Variants in NGLY1 observed in about 807,000 individuals in gnomAD.
NGLY1 encodes peptide-N(4)-(N-acetyl-beta-glucosaminyl)asparagine amidase.
A neutral mutation model predicts 84.6 loss-of-function variants in NGLY1; 68 were observed. That is an observed-to-expected ratio of 0.80 (90% CI 0.66 to 0.98). The LOEUF is 0.98. Ranked by LOEUF, NGLY1 falls within the 50% of genes least tolerant of loss-of-function variation. NGLY1 has a pLI of 0.00. For missense variants in NGLY1, 779 were observed against 770.2 expected, an observed-to-expected ratio of 1.01 and a Z score of -0.14; for synonymous variants, 280 against 275.2, an observed-to-expected ratio of 1.02 and a Z score of -0.17.
chr3:25,783,459 C>G (rs1283663439), upstream of NGLY1: 3 of 1,374,012 alleles, frequency 2.2e-6, no homozygotes, highest in Non-Finnish European at 2.8e-6. This position sits in a 1 kb window ranked among gnomAD's most constrained non-coding sequence, Gnocchi z 4.5. Flanking sequence ...GGCGCCTCAG[C>G]GCGCAGCAGC....
At chr3:25,785,008 A>G (rs74529825), upstream of NGLY1, among the ~76,000 whole-genome samples, 325 of 152,286 alleles carry the variant, frequency 2.1e-3, 2 homozygotes, top group African/African-American at 7.5e-3. Context: ...TTTGTGAGCC[A>G]TAAGGTCTGT....
intron 3 of NGLY1, among the ~76,000 whole-genome samples, chr3:25,754,196 T>A (rs748913962): frequency 1.3e-5 from 2 of 152,196 alleles, no homozygotes; most frequent in Middle Eastern, 3.2e-3. Flanking sequence ...GCTGGGGATA[T>A]AACGGTTAAA....
intron 2 of NGLY1, among the ~76,000 whole-genome samples, chr3:25,768,329 G>T (rs1707717127): frequency 6.6e-6 from 1 of 151,354 alleles, no homozygotes; most frequent in Non-Finnish European, 1.5e-5. Flanking sequence ...GGAAGACTGA[G>T]GCAGGAGAAT....
chr3:25,764,009 T>A, intron 3 of NGLY1, 57 bp downstream of exon 3: 1 of 1,589,430 alleles, frequency 6.3e-7, no homozygotes, highest in Middle Eastern at 1.7e-4. Context: ...TTCCAAAGCT[T>A]TTGCTGTTTC....
intron 2 of NGLY1, among the ~76,000 whole-genome samples, chr3:25,776,728 C>T (rs1448160985): frequency 3.3e-5 from 5 of 152,174 alleles, no homozygotes; most frequent in African/African-American, 4.8e-5. Flanking sequence ...GGTAAGTCCC[C>T]GATTCCTTCC....
rs11924657 is a variant in NGLY1, at chr3:25,749,840, C to A, written c.658+1258G>T. ...AGCCATCATGGAAAGAGCCACCCAG[C>A]TGGCCATCAGAGTCACCAACCCCAA... On this transcript the variant is annotated intron_variant, in intron 4 of 11. Transcript: ENST00000280700. 6,482 of 1,075,512 alleles carry A rather than the reference C, an allele frequency of 6.0e-3. 247 individuals carry two copies. In the African/African-American group the frequency reaches 0.088, roughly 15 times the overall value. 66.6% of individuals were successfully genotyped at this position (1,075,512 alleles called of 1,614,324 possible).
chr3:25,760,579 G>C (rs904228244), intron 3 of NGLY1, among the ~76,000 whole-genome samples: 4 of 152,110 alleles, frequency 2.6e-5, no homozygotes, highest in Admixed American at 6.6e-5. Flanking sequence ...CTAGCACACA[G>C]GCCGGGCACG....
At chr3:25,730,417 A>G (rs575803270) in intron 9 of NGLY1, 31 of 152,246 alleles carry the variant, frequency 2.0e-4, no homozygotes, top group African/African-American at 7.5e-4. Context: ...TTCAAAAGGG[A>G]AAACAATGTG....
At chr3:25,721,893 A>G (rs564430060) in intron 10 of NGLY1, among the ~76,000 whole-genome samples, 1 of 151,702 alleles carries the variant, frequency 6.6e-6, no homozygotes, top group South Asian at 2.1e-4. Flanking sequence ...TCAAATCATA[A>G]GCTCTCTGGG....
exon 1 of NGLY1, chr3:25,790,004 G>T: frequency 9.3e-7 from 1 of 1,069,524 alleles, no homozygotes; most frequent in South Asian, 1.4e-5. Context: ...TCAACCGGCG[G>T]AAAGAGAGTC....
chr3:25,731,302 C>T (rs2125463750), intron 9 of NGLY1, among the ~76,000 whole-genome samples: 1 of 151,986 alleles, frequency 6.6e-6, no homozygotes, highest in African/African-American at 2.4e-5. Context: ...TTTTAAAAGA[C>T]CTAAATAAGC....
chr3:25,733,466 CGTGTGTGTGTGTGTGTGTGTGTGTGT>C (rs60529800), intron 8 of NGLY1, among the ~76,000 whole-genome samples: 7 of 134,124 alleles, frequency 5.2e-5, no homozygotes, highest in East Asian at 2.3e-4. Context: ...CTCACATGGA[CGTGTGTGTGTGTGTGTGTGTGTGTGT>C]GTGTGTGTGT....
At chr3:25,756,392 A>G (rs1416103035) in intron 3 of NGLY1, among the ~76,000 whole-genome samples, 1 of 152,112 alleles carries the variant, frequency 6.6e-6, no homozygotes, top group Non-Finnish European at 1.5e-5. Flanking sequence ...CTTTAACCTG[A>G]TGGCTTGCAT....
chr3:25,755,473 CAG>C, intron 3 of NGLY1: 2 of 1,462,550 alleles, frequency 1.4e-6, no homozygotes, highest in Admixed American at 3.3e-5. Flanking sequence ...AAAGATTTAA[CAG>C]TGCAGATTCC....
At chr3:25,764,839 G>C (rs1313749698) in intron 2 of NGLY1, among the ~76,000 whole-genome samples, 1 of 152,156 alleles carries the variant, frequency 6.6e-6, no homozygotes, top group African/African-American at 2.4e-5. Flanking sequence ...GCCTGTGTAT[G>C]GGGTCAACTA....
upstream of NGLY1, chr3:25,783,564 CTCGGCCGGCAGGGGCGGGGTCT>C (rs1559564005): frequency 6.4e-3 from 463 of 72,712 alleles, 8 homozygotes; most frequent in African/African-American, 0.039. This position sits in a 1 kb window ranked among gnomAD's most constrained non-coding sequence, Gnocchi z 4.5. Context: ...GGGCGGGGTC[CTCGGCCGGCAGGGGCGGGGTCT>C]TCGGCCGGCA....
chr3:25,753,417 C>A (rs1706860321), intron 3 of NGLY1, among the ~76,000 whole-genome samples: 1 of 151,494 alleles, frequency 6.6e-6, no homozygotes, highest in Non-Finnish European at 1.5e-5. Context: ...TTATTATAGC[C>A]AAAAAAAATA....
chr3:25,781,649 A>T (rs1708423718), intron 1 of NGLY1, among the ~76,000 whole-genome samples: 1 of 152,210 alleles, frequency 6.6e-6, no homozygotes, highest in Non-Finnish European at 1.5e-5. Flanking sequence ...GTGAGTCAAG[A>T]TCGCGCCACT....
chr3:25,756,664 C>T (rs766564326), intron 3 of NGLY1, among the ~76,000 whole-genome samples: 32 of 152,182 alleles, frequency 2.1e-4, no homozygotes, highest in East Asian at 5.8e-4. Context: ...ACCACATACA[C>T]GTATGTTTTG....
Sources: gnomAD v4.1 joint callset for allele counts (sites outside exome capture counted in the v4.1 genomes callset) on GRCh38, gnomAD v4.1.1 for gene constraint, Gnocchi (gnomAD v3.1) non-coding constraint, MANE v1.5 for transcripts, NCBI Gene and HGNC (gene_info 2026-07-23, HGNC 2026-07-21) for gene names.